The following TET1 variants were observed in gnomAD, a reference collection of about 807,000 sequenced individuals.
TET1 encodes methylcytosine dioxygenase TET1.
TET1 carries 13 observed loss-of-function variants against 148.7 expected under a neutral mutation model. That is an observed-to-expected ratio of 0.09 (90% CI 0.06 to 0.14). TET1 has a LOEUF of 0.14. Among genes scored for constraint, TET1 ranks in the 10% least tolerant of loss-of-function variants. The pLI, the probability that TET1 is intolerant of heterozygous loss-of-function variation, is 1.00. For synonymous variants in TET1, 907 were observed against 937.2 expected (o/e 0.97, Z 0.59); for missense variants, 2,182 against 2,553.8 (o/e 0.85, Z 3.14).
Position 68,573,105 on chromosome 10 carries a change from C to A in TET1, c.767C>A (p.Ala256Glu), listed in dbSNP as rs12221107. 2 of 1,614,064 alleles carry A rather than the reference C, an allele frequency of 1.2e-6. No individual in the cohort carries two copies. The highest frequency in any genetic ancestry group is 1.3e-5 in the African/African-American group (1 of 75,020). ...DTVCAPFPQR[A>E]TPKVTSQGNP... ...GTGTGTGCTCCTTTTCCCCAAAGAG[C>A]AACCCCCAAAGTTACCTCTCAAGGA... is the stretch of plus-strand genomic sequence containing the variant. Residue 256 changes from alanine to glutamate, a missense_variant, in exon 2 of 12, where the codon GCA becomes GAA. This residue lies in a region of TET1 where 665 missense variants were observed against 672.4 expected (regional missense o/e 0.99). Transcript: ENST00000373644.
rs570771346 is a variant in TET1, at chr10:68,608,664, A to C, written c.1968+7630A>C. On this transcript the variant is annotated intron_variant, in intron 3 of 11. Transcript: ENST00000373644. ...ATTCTCCTACCTCAGCCTCCTGAGT[A>C]GCTGGGACTAAAAGTGTGTGCCACC... Among the ~76,000 whole-genome samples, 27 of 152,004 alleles carry C rather than the reference A, an allele frequency of 1.8e-4. 4 individuals carry two copies. The highest frequency in any genetic ancestry group is 6.5e-4 in the African/African-American group (27 of 41,466).
chr10:68,659,614 C>T (rs1016224050), intron 6 of TET1, among the ~76,000 whole-genome samples: 6 of 152,152 alleles, frequency 3.9e-5, no homozygotes, highest in Admixed American at 6.5e-5. Context: ...CCACCGCGCC[C>T]GGCCAATATT....
At chr10:68,688,081 G>A (rs192342934) in intron 11 of TET1, among the ~76,000 whole-genome samples, 65 of 152,178 alleles carry the variant, frequency 4.3e-4, no homozygotes, top group Middle Eastern at 6.8e-3. Flanking sequence ...CACCACACCT[G>A]GCTCTTACCA....
rs147846173 is a variant in TET1 at position 68,609,740 on chromosome 10, T to TTA, written c.1968+8717_1968+8718dup. Among the ~76,000 whole-genome samples, 219 of 152,028 alleles carry TTA rather than the reference T, an allele frequency of 1.4e-3. No individual in the cohort carries two copies. The Middle Eastern group carries it at 0.024, about 17-fold the overall frequency. ...AACTTATTCTAGGAGTTTGGTTATT[T>TTA]TATATATATATAGCGTGTGAGAGCA... On this transcript the variant is annotated intron_variant, in intron 3 of 11. Transcript: ENST00000373644.
rs548186228 is a variant in TET1 at position 68,603,634 on chromosome 10, G to A, written c.1968+2600G>A. 7.9e-5 allele frequency among the ~76,000 whole-genome samples: 12 copies of A among 152,166 alleles called. 1 individual carries two copies. The East Asian group carries it at 1.9e-3, about 24-fold the overall frequency. ...AAAAATTTAAAAATTAGCTGGGTGC[G>A]ACGGTGTGCACTTCTAGTCCTAGCT... On this transcript the variant is annotated intron_variant, in intron 3 of 11. Transcript: ENST00000373644.
intron 3 of TET1, among the ~76,000 whole-genome samples, chr10:68,609,193 C>G (rs1014962077): frequency 3.3e-5 from 5 of 151,494 alleles, no homozygotes; most frequent in African/African-American, 1.2e-4. Context: ...TGGAGTTTCG[C>G]TCTTGTTGCC....
chr10:68,595,005 GA>G (rs1402772548), intron 2 of TET1, among the ~76,000 whole-genome samples: 51 of 146,058 alleles, frequency 3.5e-4, no homozygotes, highest in African/African-American at 7.0e-4. Flanking sequence ...AAGAAGAAAA[GA>G]AAAAAAAAAT....
At chr10:68,605,374 G>A (rs562824900) in intron 3 of TET1, among the ~76,000 whole-genome samples, 1 of 152,182 alleles carries the variant, frequency 6.6e-6, no homozygotes, top group Non-Finnish European at 1.5e-5. Context: ...TCGGGAGGCT[G>A]CGGTAGGAGA....
chr10:68,614,343 G>A (rs891926625), intron 3 of TET1, among the ~76,000 whole-genome samples: 3 of 152,114 alleles, frequency 2.0e-5, no homozygotes, highest in Non-Finnish European at 2.9e-5. Flanking sequence ...TAATTTATGT[G>A]CTGTTCATGG....
chr10:68,651,800 G>A, intron 4 of TET1, 46 bp from the exon 5 acceptor site: 1 of 1,442,162 alleles, frequency 6.9e-7, no homozygotes, highest in Non-Finnish European at 9.6e-7. Flanking sequence ...TGTCCCCTAT[G>A]CAATTCTGTA....
intron 1 of TET1, among the ~76,000 whole-genome samples, chr10:68,568,474 C>T (rs1468464082): frequency 6.6e-6 from 1 of 152,068 alleles, no homozygotes; most frequent in Non-Finnish European, 1.5e-5. Flanking sequence ...CTGTCCACCT[C>T]AGGTGATCTG....
intron 3 of TET1, among the ~76,000 whole-genome samples, chr10:68,634,950 C>T (rs1432812901): frequency 1.3e-5 from 2 of 151,304 alleles, no homozygotes; most frequent in African/African-American, 4.9e-5. Context: ...TTAGTAGAGA[C>T]TTGGTTGTAT....
chr10:68,584,787 C>T (rs1021451327), intron 2 of TET1, among the ~76,000 whole-genome samples: 1 of 151,896 alleles, frequency 6.6e-6, no homozygotes, highest in African/African-American at 2.4e-5. Context: ...GCAGCTAGTA[C>T]CCCAAAACAA....
chr10:68,665,229 G>T (rs955633447), intron 6 of TET1, among the ~76,000 whole-genome samples: 9 of 151,938 alleles, frequency 5.9e-5, no homozygotes, highest in African/African-American at 1.9e-4. Context: ...TGAGGTAGGG[G>T]TCAAGATTCA....
chr10:68,633,250 A>G (rs1286944234), intron 3 of TET1, among the ~76,000 whole-genome samples: 4 of 152,214 alleles, frequency 2.6e-5, no homozygotes, highest in African/African-American at 9.6e-5. Context: ...CCTTTACAGT[A>G]TGAGTGAACA....
intron 3 of TET1, among the ~76,000 whole-genome samples, chr10:68,606,919 A>T (rs2054133061): frequency 6.6e-6 from 1 of 152,206 alleles, no homozygotes; most frequent in Non-Finnish European, 1.5e-5. Context: ...AAAGACACAC[A>T]TGGGCTTCGT....
intron 2 of TET1, among the ~76,000 whole-genome samples, chr10:68,592,612 C>G (rs1332003521): frequency 2.3e-5 from 3 of 132,698 alleles, no homozygotes; most frequent in African/African-American, 5.2e-5. Flanking sequence ...CCCCATGGCC[C>G]CTTAACAACC....
intron 3 of TET1, among the ~76,000 whole-genome samples, chr10:68,640,816 G>T (rs1243560991): frequency 6.6e-6 from 1 of 151,432 alleles, no homozygotes; most frequent in East Asian, 1.9e-4. Flanking sequence ...CTCCCAAAGT[G>T]CTGGGATTAC....
intron 2 of TET1, among the ~76,000 whole-genome samples, chr10:68,578,742 G>A (rs2053759823): frequency 6.6e-6 from 1 of 152,014 alleles, no homozygotes; most frequent in Non-Finnish European, 1.5e-5. Flanking sequence ...ATACACATGG[G>A]GGACAAAGGG....
Sources: allele counts gnomAD v4.1 joint callset (sites outside exome capture counted in the v4.1 genomes callset), GRCh38; gene constraint gnomAD v4.1.1; regional missense constraint gnomAD v4.1.1; transcripts MANE v1.5; gene names NCBI Gene and HGNC (gene_info 2026-07-23, HGNC 2026-07-21).